The following MACF1 variants were observed in gnomAD, a reference collection of about 807,000 sequenced individuals.
MACF1 encodes microtubule actin crosslinking factor 1.
A neutral mutation model predicts 854.8 loss-of-function variants in MACF1; 193 were observed. That is an observed-to-expected ratio of 0.23 (90% confidence interval 0.20 to 0.25). The LOEUF (loss-of-function observed/expected upper bound fraction) is 0.25. MACF1 is among the 10% of genes least tolerant of loss of function. The pLI is 1.00. For missense variants in MACF1, 7,722 were observed against 8,929.1 expected (o/e 0.86, Z 5.45); for synonymous variants, 3,185 against 3,226.7 (o/e 0.99, Z 0.44).
intron 58 of MACF1, among the ~76,000 whole-genome samples, chr1:39,402,912 A>G (rs535850021): frequency 6.6e-6 from 1 of 151,956 alleles, no homozygotes; most frequent in South Asian, 2.1e-4. Flanking sequence ...TTGTCTTCCT[A>G]TCTCCTAAAT....
intron 58 of MACF1, chr1:39,410,038 G>A (rs936258377): frequency 2.3e-6 from 1 of 426,830 alleles, no homozygotes; most frequent in Non-Finnish European, 4.1e-6. Flanking sequence ...AAATTATATC[G>A]TCTGTCAACC....
At chr1:39,128,895 A>C (rs571120396) in intron 2 of MACF1, among the ~76,000 whole-genome samples, 14 of 152,176 alleles carry the variant, frequency 9.2e-5, no homozygotes, top group Non-Finnish European at 2.1e-4. Flanking sequence ...CCAGTTGACC[A>C]TGAAATGCCG....
chr1:39,295,730 A>G, intron 19 of MACF1, 57 bp from the exon 20 acceptor site: 3 of 1,239,652 alleles, frequency 2.4e-6, no homozygotes, highest in Non-Finnish European at 3.5e-6. Flanking sequence ...AGTATTGCGC[A>G]TATATATTGA....
At chr1:39,293,640 G>C in intron 18 of MACF1, 21 bp downstream of exon 18, 1 of 1,601,542 alleles carries the variant, frequency 6.2e-7, no homozygotes, top group South Asian at 1.1e-5. Context: ...CACAGTAGCA[G>C]GCCTGTCATA....
intron 61 of MACF1, among the ~76,000 whole-genome samples, chr1:39,426,350 A>G (rs868702617): frequency 6.6e-5 from 10 of 152,308 alleles, no homozygotes; most frequent in South Asian, 6.2e-4. Flanking sequence ...TCAGGGCATA[A>G]CTAGCATAGG....
Position 39,084,535 on chromosome 1 carries a change from G to A in MACF1, c.220+97G>A. 1.0e-6 allele frequency: 1 copy of A among 960,234 alleles called. No homozygotes were observed. The highest frequency in any genetic ancestry group is 1.5e-5 in the South Asian group (1 of 67,362). The allele number at this position is 960,234 out of a possible 1,614,324, so 59.5% of individuals were successfully genotyped here. ...GTGGGGAGCCGAGGGGTCCTCACCAGGGCCTCTGACAAAGCAGCCATCATC... is the reference window on the plus strand; with the variant it reads ...GTGGGGAGCCGAGGGGTCCTCACCAAGGCCTCTGACAAAGCAGCCATCATC... On this transcript the variant is annotated intron_variant, in intron 2 of 93. Coordinates refer to the MACF1 transcript ENST00000361689. This position sits in a 1 kb window ranked among gnomAD's most constrained non-coding sequence, Gnocchi z 5.2.
At chr1:39,357,934 G>T in intron 45 of MACF1, 41 bp downstream of exon 45, 1 of 1,565,162 alleles carries the variant, frequency 6.4e-7, no homozygotes, top group Non-Finnish European at 8.6e-7. Context: ...AAACAATCAT[G>T]GCAGCCTTCA....
intron 58 of MACF1, among the ~76,000 whole-genome samples, chr1:39,398,435 G>A (rs1642356854): frequency 6.6e-6 from 1 of 152,042 alleles, no homozygotes; most frequent in Non-Finnish European, 1.5e-5. Flanking sequence ...CACAGTGCCT[G>A]GCCCAGAGAC....
intron 5 of MACF1, among the ~76,000 whole-genome samples, chr1:39,256,669 C>T (rs1439552115): frequency 6.6e-6 from 1 of 152,142 alleles, no homozygotes; most frequent in Non-Finnish European, 1.5e-5. Flanking sequence ...GGAAATTCCT[C>T]CGTTCCCAGC....
At chr1:39,406,344 G>C (rs1569915737) in intron 58 of MACF1, among the ~76,000 whole-genome samples, 1 of 152,134 alleles carries the variant, frequency 6.6e-6, no homozygotes, top group African/African-American at 2.4e-5. Flanking sequence ...AGATAGACAT[G>C]GGAGGGAATT....
At chr1:39,166,683 C>T (rs1052880914) in intron 2 of MACF1, among the ~76,000 whole-genome samples, 1 of 152,008 alleles carries the variant, frequency 6.6e-6, no homozygotes, top group Admixed American at 6.6e-5. Flanking sequence ...AAACTCCTGA[C>T]CTCAGGTGAC....
intron 18 of MACF1, among the ~76,000 whole-genome samples, chr1:39,294,570 T>C (rs1373643355): frequency 1.3e-5 from 2 of 152,200 alleles, no homozygotes; most frequent in African/African-American, 2.4e-5. Flanking sequence ...AAGAAAGTGC[T>C]CTGAAAGCAT....
chr1:39,084,768 T>G lies in MACF1; in HGVS notation c.220+330T>G, dbSNP rs1641626836. On this transcript the variant is annotated intron_variant, in intron 2 of 93. Transcript: ENST00000361689. This position sits in a 1 kb window ranked among gnomAD's most constrained non-coding sequence, Gnocchi z 5.2. ...TGCATCTGACTCTTTTCAGTTAATCTTATATTAAAAAGATTTTCCATATTG... is the reference window on the plus strand; with the variant it reads ...TGCATCTGACTCTTTTCAGTTAATCGTATATTAAAAAGATTTTCCATATTG... Among the ~76,000 whole-genome samples, 1 of 152,158 alleles carries G rather than the reference T, an allele frequency of 6.6e-6. No individual in the cohort carries two copies. Among genetic ancestry groups the G allele is most frequent in the South Asian group, 2.1e-4 (1 of 4,834 alleles).
At position 39,204,759 on chromosome 1, in the gene MACF1, C is replaced by A; in HGVS notation, c.-264C>A. On this transcript the variant is annotated 5_prime_UTR_variant, in exon 1 of 101. Transcript: ENST00000564288. ...TTTCACTCTCCTTGTTCCTTCTTCC[C>A]TTTCCCCTCCCCCGCTGGCCAGTTG... The A allele has an allele frequency of 5.0e-6, 2 of 400,678 alleles. No individual in the cohort carries two copies. Among genetic ancestry groups the A allele is most frequent in the Non-Finnish European group, 9.1e-6 (2 of 220,156 alleles). The allele number at this position is 400,678 out of a possible 1,614,324, so 24.8% of individuals were successfully genotyped here.
intron 1 of MACF1, among the ~76,000 whole-genome samples, chr1:39,225,255 G>A (rs1644702732): frequency 7.6e-6 from 1 of 130,730 alleles, no homozygotes; most frequent in Non-Finnish European, 1.6e-5. Flanking sequence ...TGTCGCCCAG[G>A]CCGGACTGCG....
intron 49 of MACF1, among the ~76,000 whole-genome samples, chr1:39,367,422 C>G (rs1421758262): frequency 6.6e-6 from 1 of 151,910 alleles, no homozygotes; most frequent in African/African-American, 2.4e-5. Flanking sequence ...TGGTCTTGAA[C>G]TCCTAGGCTT....
intron 92 of MACF1, among the ~76,000 whole-genome samples, chr1:39,461,515 G>A (rs751544741): frequency 5.9e-5 from 9 of 152,042 alleles, no homozygotes; most frequent in Admixed American, 6.6e-5. Flanking sequence ...CTGGCCAGGC[G>A]TGGTGGCTCG....
At chr1:39,238,375 A>T (rs1644883160) in intron 2 of MACF1, among the ~76,000 whole-genome samples, 1 of 152,204 alleles carries the variant, frequency 6.6e-6, no homozygotes, top group African/African-American at 2.4e-5. Context: ...AGCCAAATAT[A>T]TGACAGCTTA....
intron 2 of MACF1, among the ~76,000 whole-genome samples, chr1:39,100,286 G>A (rs1269232133): frequency 1.3e-5 from 2 of 152,142 alleles, no homozygotes; most frequent in African/African-American, 2.4e-5. Context: ...TTTCAAGGTA[G>A]ATTTCAGTAG....
Sources: allele counts gnomAD v4.1 joint callset (sites outside exome capture counted in the v4.1 genomes callset), GRCh38; gene constraint gnomAD v4.1.1; non-coding constraint Gnocchi (gnomAD v3.1); transcripts MANE v1.5; gene names NCBI Gene and HGNC (gene_info 2026-07-23, HGNC 2026-07-21).